The following SMG5 variants were observed in gnomAD, a reference collection of about 807,000 sequenced individuals.
SMG5 encodes the protein SMG5 nonsense mediated mRNA decay factor.
Under a neutral mutation model 122.9 loss-of-function variants are expected in SMG5, and 53 were observed. The observed-to-expected ratio is 0.43, with a 90% confidence interval of 0.35 to 0.54. SMG5 has a LOEUF of 0.54. Ranked by LOEUF, SMG5 falls within the 20% of genes least tolerant of loss-of-function variation. The probability of loss-of-function intolerance (pLI) is 0.01; values close to 1 mark genes in which losing one functional copy is unlikely to be tolerated. For synonymous variants in SMG5, 477 were observed against 490.2 expected (o/e 0.97, Z 0.35); for missense variants, 1,153 against 1,285.6 (o/e 0.90, Z 1.58).
chr1:156,290,660 T>G, the SMG5 span: 2 of 151,822 alleles, frequency 1.3e-5, no homozygotes, highest in Admixed American at 1.3e-4. Context: ...AAACCCCATC[T>G]CTACTAAAAA....
In SMG5 at chr1:156,282,703, TCC is replaced by T; in HGVS notation, c.-25_-24del. On this transcript the variant is annotated 5_prime_UTR_variant, in exon 1 of 22. Coordinates refer to ENST00000361813, the MANE Select transcript of SMG5 (RefSeq NM_015327.3). ...CATGGTGCCCGGGTCCGGGGGCAGC[TCC>T]CGGTCACAGGCCCCTGCCACCCACC... is the stretch of plus-strand genomic sequence containing the variant. 6.3e-7 allele frequency: 1 copy of T among 1,586,178 alleles called. No individual in the cohort carries two copies. Among genetic ancestry groups the T allele is most frequent in the Non-Finnish European group, 8.5e-7 (1 of 1,172,858 alleles).
At chr1:156,263,358 T>C (rs376867760) in intron 13 of SMG5, 37 bp downstream of exon 13, 2 of 1,582,848 alleles carry the variant, frequency 1.3e-6, no homozygotes, top group Non-Finnish European at 1.7e-6. Flanking sequence ...TCCAAGACCC[T>C]GGGACCTGAC....
chr1:156,287,540 G>T (rs1358575448), upstream of SMG5, among the ~76,000 whole-genome samples: 1 of 151,722 alleles, frequency 6.6e-6, no homozygotes, highest in African/African-American at 2.4e-5. Context: ...CTGGTAGAGG[G>T]TACTGTCCTT....
chr1:156,261,063 G>A (rs989018207), intron 14 of SMG5, among the ~76,000 whole-genome samples: 3 of 152,200 alleles, frequency 2.0e-5, no homozygotes, highest in Admixed American at 6.5e-5. Flanking sequence ...CAGCAGCTAG[G>A]TCTGGCTCCC....
At position 156,274,534 on chromosome 1, in the gene SMG5, C is replaced by T. The variant is rs571356822; in HGVS notation, c.544+63G>A. The T allele has an allele frequency of 1.5e-5, 22 of 1,480,674 alleles. No homozygotes were observed. The South Asian group carries it at 2.5e-4, about 17-fold the overall frequency. The allele number at this position is 1,480,674 out of a possible 1,614,324, so 91.7% of individuals were successfully genotyped here. On this transcript the variant is annotated intron_variant, in intron 5 of 21. Transcript: ENST00000361813. Reference sequence around the variant, plus strand: ...ACCATGTAATGGGTGTTACCAACAACTGAAGCAGCCTGGGCTCGTCCTGTA... The same window carrying T: ...ACCATGTAATGGGTGTTACCAACAATTGAAGCAGCCTGGGCTCGTCCTGTA...
At chr1:156,273,217 A>C in intron 6 of SMG5, 144 bp downstream of exon 6, 1 of 654,712 alleles carries the variant, frequency 1.5e-6, no homozygotes, top group Non-Finnish European at 2.7e-6. Flanking sequence ...AAGAGGGAAA[A>C]GGTATAAACA....
intron 6 of SMG5, 60 bp downstream of exon 6, chr1:156,273,301 A>T: frequency 7.1e-7 from 1 of 1,412,010 alleles, no homozygotes; most frequent in Non-Finnish European, 1.0e-6. Flanking sequence ...CATCTCAACA[A>T]CATCGTCTTC....
chr1:156,284,217 C>T (rs917205550), upstream of SMG5: 7 of 152,042 alleles, frequency 4.6e-5, no homozygotes, highest in African/African-American at 1.7e-4. Flanking sequence ...TTTTTTTTGT[C>T]GGCAGATTCA....
At position 156,277,215 on chromosome 1, in the gene SMG5, T is replaced by A; in HGVS notation, c.324A>T (p.Glu108Asp). The A allele has an allele frequency of 6.2e-7, 1 of 1,613,660 alleles. No homozygotes were observed. Among genetic ancestry groups the A allele is most frequent in the Non-Finnish European group, 8.5e-7 (1 of 1,179,942 alleles). ...KKHIHSRSTL[E>D]CAYRTHLVAG... is the part of the protein sequence containing the mutation. ...CAACCAGGTGCGTCCTGTAGGCACA[T>A]TCCAAAGTGCTCCGGCTGTGGATGT... The change falls in exon 4 of 22, where the codon GAA (glutamate) becomes GAT (aspartate). Residue 108 changes from glutamate to aspartate, a missense_variant. Around this residue, in one of 5 missense-constraint regions of SMG5, gnomAD observed 213 missense variants for 197.5 expected, o/e 1.08. Coordinates refer to ENST00000361813, the MANE Select transcript of SMG5 (RefSeq NM_015327.3).
chr1:156,273,739 T>A (rs551602641), intron 5 of SMG5, among the ~76,000 whole-genome samples: 50 of 132,568 alleles, frequency 3.8e-4, no homozygotes, highest in Non-Finnish European at 4.7e-4. Context: ...TTTTTTTTTT[T>A]AGAGACGGGG....
In SMG5 at chr1:156,277,219, A is replaced by C. The variant is rs763457378; in HGVS notation, c.320T>G (p.Leu107Trp). The change falls in exon 4 of 22, where the codon TTG becomes TGG. Residue 107 changes from leucine to tryptophan, a missense_variant. Leu to Trp is a moderately conservative substitution (Grantham distance 61). Transcript: ENST00000361813. ...NKKHIHSRST[L>W]ECAYRTHLVA... is the part of the protein sequence containing the mutation. ...CAGGTGCGTCCTGTAGGCACATTCC[A>C]AAGTGCTCCGGCTGTGGATGTGCTA... is the stretch of plus-strand genomic sequence containing the variant. 1 of 1,613,582 alleles carries C rather than the reference A, an allele frequency of 6.2e-7. No individual in the cohort carries two copies. Among genetic ancestry groups the C allele is most frequent in the Non-Finnish European group, 8.5e-7 (1 of 1,179,922 alleles).
upstream of SMG5, among the ~76,000 whole-genome samples, chr1:156,284,896 C>T (rs1663105883): frequency 1.3e-5 from 2 of 152,110 alleles, no homozygotes; most frequent in Admixed American, 1.3e-4. Flanking sequence ...GCATAGAAGG[C>T]GTGGGTGGAG....
chr1:156,262,341 G>C (rs1229160875), intron 13 of SMG5, among the ~76,000 whole-genome samples: 1 of 151,496 alleles, frequency 6.6e-6, no homozygotes, highest in East Asian at 2.0e-4. Flanking sequence ...TTAGCTGGGT[G>C]TGGTGGCGCC....
At chr1:156,263,601 A>G (rs779328291) in intron 12 of SMG5, 31 bp from the exon 13 acceptor site, 2 of 1,603,936 alleles carry the variant, frequency 1.2e-6, no homozygotes, top group Non-Finnish European at 1.7e-6. Context: ...AGAGAAAAAA[A>G]CTGGGATAAA....
chr1:156,270,758 A>G (rs1662373813), intron 7 of SMG5, among the ~76,000 whole-genome samples: 1 of 152,248 alleles, frequency 6.6e-6, no homozygotes, highest in Non-Finnish European at 1.5e-5. Context: ...CTGTAATCCC[A>G]ACACTTTGGG....
At chr1:156,263,649 G>C in intron 12 of SMG5, 79 bp from the exon 13 acceptor site, 1 of 1,478,168 alleles carries the variant, frequency 6.8e-7, no homozygotes, top group South Asian at 1.3e-5. Flanking sequence ...CTCTGTGCAG[G>C]GAGCATGCTT....
In SMG5 at chr1:156,265,976, C is replaced by A; in HGVS notation, c.1660G>T (p.Gly554Cys). ...GRSEAPDSLN[G>C]PLGPSEASIA... ...CTAGCCTCACTGGGGCCCAGTGGGC[C>A]ATTGAGGGAATCGGGAGCCTCTGAT... is the stretch of plus-strand genomic sequence containing the variant. The change falls in exon 12 of 22, where the codon GGC (glycine) becomes TGC (cysteine). Residue 554 changes from glycine to cysteine, a missense_variant. Gly to Cys is a radical substitution (Grantham distance 159). Around this residue, in one of 5 missense-constraint regions of SMG5, gnomAD observed 631 missense variants for 650.6 expected, o/e 0.97. Coordinates refer to ENST00000361813, the MANE Select transcript of SMG5 (RefSeq NM_015327.3). 6.2e-7 allele frequency: 1 copy of A among 1,614,186 alleles called. No homozygotes were observed. The highest frequency in any genetic ancestry group is 8.5e-7 in the Non-Finnish European group (1 of 1,180,040).
the SMG5 span, chr1:156,291,312 C>G: frequency 1.4e-6 from 2 of 1,412,564 alleles, no homozygotes; most frequent in Non-Finnish European, 2.0e-6. Context: ...CTACTCCCCC[C>G]ACCGTCAGCC....
chr1:156,252,373 A>T, intron 19 of SMG5, 41 bp downstream of exon 19: 1 of 1,594,094 alleles, frequency 6.3e-7, no homozygotes. Flanking sequence ...TCCAAAAGAC[A>T]GACCCAGGGC....
Sources: allele counts gnomAD v4.1 joint callset (sites outside exome capture counted in the v4.1 genomes callset), GRCh38; gene constraint gnomAD v4.1.1; regional missense constraint gnomAD v4.1.1; transcripts MANE v1.5; gene names NCBI Gene and HGNC (gene_info 2026-07-23, HGNC 2026-07-21).